JAK1: variants seen among roughly 807,000 people sequenced by gnomAD.
JAK1 encodes Janus kinase 1.
Under a neutral mutation model 136.6 loss-of-function variants are expected in JAK1, and 16 were observed. The ratio of observed to expected loss-of-function variants is 0.12; its 90% CI spans 0.08 to 0.18. The LOEUF (loss-of-function observed/expected upper bound fraction) is 0.18, where lower values mean the gene tolerates loss of function less well. Among genes scored for constraint, JAK1 ranks in the 10% least tolerant of loss-of-function variants. The pLI is 1.00. For synonymous variants in JAK1, 492 were observed against 519.5 expected (o/e 0.95, Z 0.72); for missense variants, 859 against 1,450.1 (o/e 0.59, Z 6.62).
chr1:65,058,254 T>C (rs765674390), intron 1 of JAK1, among the ~76,000 whole-genome samples: 3 of 152,330 alleles, frequency 2.0e-5, no homozygotes, highest in South Asian at 4.1e-4. Flanking sequence ...CACCAACAAC[T>C]ACCCCATGTT....
chr1:64,956,134 AC>A (rs1160877251), intron 1 of JAK1, among the ~76,000 whole-genome samples: 1 of 152,254 alleles, frequency 6.6e-6, no homozygotes, highest in African/African-American at 2.4e-5. Context: ...CAGATTCAGT[AC>A]TTGTGACAGA....
At chr1:64,846,841 C>A in intron 13 of JAK1, 105 bp from the exon 14 acceptor site, 2 of 779,002 alleles carry the variant, frequency 2.6e-6, no homozygotes, top group Non-Finnish European at 2.2e-6. Context: ...AAGCTCACCA[C>A]TGTCGCCACC....
intron 2 of JAK1, chr1:64,986,084 T>G (rs745547494): frequency 1.5e-4 from 153 of 1,011,496 alleles, no homozygotes; most frequent in Non-Finnish European, 2.1e-4. Flanking sequence ...TGACCTTCTA[T>G]GTCCCCCATG....
intron 10 of JAK1, 145 bp downstream of exon 10, chr1:64,857,511 C>T (rs1444929689): frequency 8.9e-7 from 1 of 1,129,384 alleles, no homozygotes; most frequent in Non-Finnish European, 1.3e-6. Flanking sequence ...GGGCCCTTGC[C>T]TGACCTCCCA....
intron 7 of JAK1, 99 bp downstream of exon 7, chr1:64,866,767 G>T: frequency 1.2e-6 from 1 of 819,630 alleles, no homozygotes; most frequent in Non-Finnish European, 2.0e-6. Context: ...CAGCCTATGG[G>T]AGTGATGGAC....
intron 2 of JAK1, among the ~76,000 whole-genome samples, chr1:64,884,124 T>C (rs944244136): frequency 2.0e-5 from 3 of 152,232 alleles, no homozygotes; most frequent in African/African-American, 7.2e-5. Flanking sequence ...GGCAGGACTT[T>C]GACGCAGCAC....
chr1:64,888,773 CTAGAGAT>C (rs1245932349), intron 1 of JAK1, among the ~76,000 whole-genome samples: 2 of 152,166 alleles, frequency 1.3e-5, no homozygotes, highest in African/African-American at 4.8e-5. Context: ...GATGCTTAGC[CTAGAGAT>C]TAAACTCTTC....
intron 1 of JAK1, among the ~76,000 whole-genome samples, chr1:65,048,817 C>A (rs1323134420): frequency 2.0e-5 from 3 of 150,654 alleles, no homozygotes; most frequent in African/African-American, 7.3e-5. Context: ...GGGAAATGGG[C>A]ATTTAATATG....
chr1:64,878,445 G>A (rs1002806717), intron 4 of JAK1, among the ~76,000 whole-genome samples: 1 of 152,060 alleles, frequency 6.6e-6, no homozygotes, highest in East Asian at 1.9e-4. Context: ...CACTCCCAGA[G>A]AGCAAGGCCA....
chr1:64,866,809 G>A, intron 7 of JAK1, 57 bp downstream of exon 7: 1 of 1,299,882 alleles, frequency 7.7e-7, no homozygotes, highest in Non-Finnish European at 1.1e-6. Flanking sequence ...AGGATAAACA[G>A]CATACGCTAT....
intron 19 of JAK1, 71 bp downstream of exon 19, chr1:64,841,174 C>G: frequency 9.2e-7 from 1 of 1,085,290 alleles, no homozygotes; most frequent in Non-Finnish European, 1.4e-6. Context: ...AGCAGCTGTA[C>G]GTGCAGAGAG....
At chr1:64,923,589 G>A (rs17393565) in intron 1 of JAK1, among the ~76,000 whole-genome samples, 9,465 of 152,184 alleles carry the variant, frequency 0.062, 448 homozygotes, top group South Asian at 0.11. Flanking sequence ...CAGGCCCAGG[G>A]TGCTGTGACT....
At chr1:64,935,583 G>A (rs1244936868) in intron 1 of JAK1, among the ~76,000 whole-genome samples, 1 of 152,306 alleles carries the variant, frequency 6.6e-6, no homozygotes, top group South Asian at 2.1e-4. Context: ...TTACAGGCGT[G>A]AGCCACCGCA....
intron 1 of JAK1, among the ~76,000 whole-genome samples, chr1:64,932,808 T>G (rs1259783529): frequency 1.3e-5 from 2 of 152,146 alleles, no homozygotes; most frequent in African/African-American, 2.4e-5. Flanking sequence ...TGCCTCTGCC[T>G]GGGACTGCCC....
chr1:64,994,146 GC>G (rs1229273803), intron 2 of JAK1, among the ~76,000 whole-genome samples: 13 of 152,186 alleles, frequency 8.5e-5, no homozygotes, highest in Non-Finnish European at 1.6e-4. Context: ...TGGCCATGTT[GC>G]CCAGGCTGGT....
At chr1:65,051,963 ATTTG>A (rs1390903162) in intron 1 of JAK1, among the ~76,000 whole-genome samples, 9 of 151,998 alleles carry the variant, frequency 5.9e-5, no homozygotes, top group Admixed American at 2.6e-4. Context: ...CTGCTTGCTT[ATTTG>A]TTTATTAAGA....
intron 1 of JAK1, among the ~76,000 whole-genome samples, chr1:64,951,932 C>A (rs750162155): frequency 2.0e-5 from 3 of 152,106 alleles, no homozygotes; most frequent in African/African-American, 7.2e-5. Flanking sequence ...GCTGGGATTA[C>A]AGGCGTGAGC....
chr1:65,053,056 A>G (rs1204854436), intron 1 of JAK1, among the ~76,000 whole-genome samples: 1 of 146,044 alleles, frequency 6.8e-6, no homozygotes, highest in East Asian at 2.2e-4. Flanking sequence ...AAAAAAAAAA[A>G]GACTAGAGGC....
At chr1:64,879,774 G>T (rs778018803) in intron 3 of JAK1, among the ~76,000 whole-genome samples, 1 of 152,044 alleles carries the variant, frequency 6.6e-6, no homozygotes, top group African/African-American at 2.4e-5. Flanking sequence ...TAACCAACTA[G>T]CAAGAAGATA....
Sources: allele counts gnomAD v4.1 joint callset (sites outside exome capture counted in the v4.1 genomes callset), GRCh38; gene constraint gnomAD v4.1.1; transcripts MANE v1.5; gene names NCBI Gene and HGNC (gene_info 2026-07-23, HGNC 2026-07-21).